The following HIPK3 variants were observed in gnomAD, a reference collection of about 807,000 sequenced individuals.
HIPK3 encodes the protein homeodomain interacting protein kinase 3, also known as homeodomain-interacting protein kinase 3.
A neutral mutation model predicts 124.2 loss-of-function variants in HIPK3; 47 were observed. The ratio of observed to expected loss-of-function variants is 0.38; its 90% CI spans 0.30 to 0.48. The LOEUF is 0.48. HIPK3 is among the 20% of genes least tolerant of loss of function. HIPK3 has a pLI of 0.98. For missense variants in HIPK3, 1,286 were observed against 1,454.3 expected, an observed-to-expected ratio of 0.88 and a Z score of 1.88; for synonymous variants, 482 against 515.2, an observed-to-expected ratio of 0.94 and a Z score of 0.87.
chr11:33,266,440 G>C (rs1850967403), intron 1 of HIPK3, among the ~76,000 whole-genome samples: 1 of 152,160 alleles, frequency 6.6e-6, no homozygotes, highest in South Asian at 2.1e-4. Flanking sequence ...GAACACTTCT[G>C]TAATCCCAGC....
At chr11:33,317,322 G>T (rs1407323629) in intron 2 of HIPK3, among the ~76,000 whole-genome samples, 1 of 138,546 alleles carries the variant, frequency 7.2e-6, no homozygotes, top group African/African-American at 2.8e-5. Context: ...CCAGGCTGCA[G>T]TTCAGTGGCA....
At chr11:33,285,210 C>G (rs1199726572) in intron 1 of HIPK3, among the ~76,000 whole-genome samples, 1 of 152,026 alleles carries the variant, frequency 6.6e-6, no homozygotes, top group Non-Finnish European at 1.5e-5. Context: ...TGGATGCAGG[C>G]ATAAAATAAA....
rs1216852825 is a variant in HIPK3 at position 33,355,545 on chromosome 11, C to T, written c.*1977C>T. 3 of 151,920 alleles carry T rather than the reference C, an allele frequency of 2.0e-5. No homozygotes were observed. The highest frequency in any genetic ancestry group is 4.4e-5 in the Non-Finnish European group (3 of 67,872). 9.4% of individuals were successfully genotyped at this position (151,920 alleles called of 1,614,324 possible). A position where few individuals can be genotyped will look rare whatever the true frequency, so the allele number is the denominator to read the frequency against. On this transcript the variant is annotated 3_prime_UTR_variant, in exon 17 of 17. Coordinates refer to ENST00000303296, the MANE Select transcript of HIPK3 (RefSeq NM_005734.5). ...AACTCTAGATGTTTTGGATTTACAG[C>T]GTTTCTTTGATAAATGAATTGTATA...
chr11:33,281,030 A>AATAT (rs1395638220), intron 1 of HIPK3, among the ~76,000 whole-genome samples: 1 of 134,034 alleles, frequency 7.5e-6, no homozygotes, highest in East Asian at 2.3e-4. Context: ...TTCTGATTAG[A>AATAT]GTTTTATGTG....
intron 5 of HIPK3, 24 bp from the exon 6 acceptor site, chr11:33,339,326 G>A (rs1162226763): frequency 6.9e-7 from 1 of 1,459,820 alleles, no homozygotes; most frequent in East Asian, 2.5e-5. Flanking sequence ...TTTACTTGAT[G>A]GCTTGAAATT....
chr11:33,268,591 C>CA (rs35408664), intron 1 of HIPK3, among the ~76,000 whole-genome samples: 2,130 of 74,748 alleles, frequency 0.028, 9 homozygotes, highest in East Asian at 0.092. Context: ...ACTCCGTCAC[C>CA]AAAAAAAAAA....
intron 3 of HIPK3, chr11:33,335,674 C>T (rs1853121894): frequency 6.6e-6 from 1 of 150,808 alleles, no homozygotes; most frequent in Admixed American, 6.6e-5. Context: ...AGATATTGAA[C>T]ATTTTTGTAT....
At chr11:33,266,449 G>A (rs890517371) in intron 1 of HIPK3, among the ~76,000 whole-genome samples, 1 of 152,190 alleles carries the variant, frequency 6.6e-6, no homozygotes. Flanking sequence ...TGTAATCCCA[G>A]CACTCTGGGA....
At chr11:33,351,176 AGAGGCACATATCCT>A (rs1218681400) in intron 14 of HIPK3, among the ~76,000 whole-genome samples, 1 of 152,232 alleles carries the variant, frequency 6.6e-6, no homozygotes, top group Non-Finnish European at 1.5e-5. Context: ...AATTACCAGC[AGAGGCACATATCCT>A]GATGTTAGAA....
At chr11:33,341,366 T>C (rs1177593538) in intron 7 of HIPK3, among the ~76,000 whole-genome samples, 197 bp from the exon 8 acceptor site, 1 of 152,224 alleles carries the variant, frequency 6.6e-6, no homozygotes, top group Non-Finnish European at 1.5e-5. Context: ...TGCCCTTCTA[T>C]GCCACAACTC....
At chr11:33,345,116 G>A (rs1041622794) in intron 8 of HIPK3, among the ~76,000 whole-genome samples, 3 of 152,030 alleles carry the variant, frequency 2.0e-5, no homozygotes, top group African/African-American at 7.2e-5. Flanking sequence ...TAATATGTAG[G>A]TATAGGTATA....
chr11:33,297,140 C>T (rs1046008843), intron 2 of HIPK3, among the ~76,000 whole-genome samples: 1 of 142,980 alleles, frequency 7.0e-6, no homozygotes, highest in African/African-American at 2.6e-5. Flanking sequence ...GTTGCCTAGG[C>T]TGGAGTGCAG....
At chr11:33,291,109 C>G (rs1235273066) in intron 2 of HIPK3, among the ~76,000 whole-genome samples, 1 of 152,114 alleles carries the variant, frequency 6.6e-6, no homozygotes, top group Non-Finnish European at 1.5e-5. Flanking sequence ...TAATCAGGTA[C>G]TGTTTTAATA....
intron 1 of HIPK3, among the ~76,000 whole-genome samples, chr11:33,286,081 T>C (rs1851542866): frequency 6.6e-6 from 1 of 152,168 alleles, no homozygotes; most frequent in Non-Finnish European, 1.5e-5. Flanking sequence ...TGAGGGAAAA[T>C]GTTGGCACCG....
chr11:33,302,514 T>C (rs944463964), intron 2 of HIPK3, among the ~76,000 whole-genome samples: 4 of 152,042 alleles, frequency 2.6e-5, no homozygotes, highest in African/African-American at 9.7e-5. Context: ...TTTTTGTATT[T>C]TTAGTAGAGA....
intron 3 of HIPK3, among the ~76,000 whole-genome samples, chr11:33,333,774 T>C (rs1042522835): frequency 1.7e-4 from 26 of 152,242 alleles, no homozygotes; most frequent in African/African-American, 5.1e-4. Context: ...TGTTTTCTTC[T>C]TCACAATGGC....
chr11:33,270,755 A>C (rs1851103499), intron 1 of HIPK3, among the ~76,000 whole-genome samples: 1 of 152,162 alleles, frequency 6.6e-6, no homozygotes, highest in South Asian at 2.1e-4. Flanking sequence ...CAGGAGTGCA[A>C]GACCAGCCTG....
At chr11:33,352,859 A>G (rs1466750181) in intron 16 of HIPK3, among the ~76,000 whole-genome samples, 4 of 152,156 alleles carry the variant, frequency 2.6e-5, no homozygotes, top group Non-Finnish European at 5.9e-5. Flanking sequence ...TAGCAGCAGT[A>G]ATAGCAGTGT....
intron 3 of HIPK3, among the ~76,000 whole-genome samples, chr11:33,330,442 C>T (rs542958033): frequency 6.6e-6 from 1 of 152,200 alleles, no homozygotes; most frequent in Non-Finnish European, 1.5e-5. Flanking sequence ...GATTCTTCTG[C>T]CTCAGCCTCC....
Sources: gnomAD v4.1 joint callset for allele counts (sites outside exome capture counted in the v4.1 genomes callset) on GRCh38, gnomAD v4.1.1 for gene constraint, MANE v1.5 for transcripts, NCBI Gene and HGNC (gene_info 2026-07-23, HGNC 2026-07-21) for gene names.